VSIG4: variants seen among roughly 807,000 people sequenced by gnomAD.
The protein encoded by VSIG4 is V-set and immunoglobulin domain containing 4, also known as V-set and immunoglobulin domain-containing protein 4.
A neutral mutation model predicts 23.4 loss-of-function variants in VSIG4; 34 were observed. The ratio of observed to expected loss-of-function variants is 1.45; its 90% CI spans 1.10 to 1.93. The LOEUF is 1.93. Ranked by LOEUF, VSIG4 falls within the 30% of genes most tolerant of loss-of-function variation. VSIG4 has a pLI of 0.00. For missense variants in VSIG4, 433 were observed against 310.8 expected (o/e 1.39, Z -2.96); for synonymous variants, 169 against 120.3 (o/e 1.41, Z -2.65).
rs2085336159 is a variant in VSIG4 at position 66,021,938 on chromosome X, G to A, written c.*325C>T. On this transcript the variant is annotated 3_prime_UTR_variant, in exon 8 of 8. Transcript: ENST00000374737. The stretch of plus-strand genomic sequence containing the variant: ...CTGAGCCTCCCTCGGGTCTTCTGGT[G>A]GCAAGATGCCAAAGTTGAATAGTGT... 2.9e-6 allele frequency: 2 copies of A among 683,996 alleles called. No homozygotes were observed. Among genetic ancestry groups the A allele is most frequent in the African/African-American group, 4.4e-5 (2 of 45,487 alleles). The allele number at this position is 683,996 out of a possible 1,213,427, so 56.4% of individuals were successfully genotyped here.
intron 3 of VSIG4, among the ~76,000 whole-genome samples, chrX:66,029,094 G>T (rs1178296022): frequency 9.0e-6 from 1 of 111,403 alleles, no homozygotes; most frequent in African/African-American, 3.3e-5. Context: ...AAAACCATAA[G>T]CTTCTCCCTC....
At chrX:66,024,644 T>C in intron 6 of VSIG4, among the ~76,000 whole-genome samples, 1 of 112,208 alleles carries the variant, frequency 8.9e-6, no homozygotes, top group East Asian at 2.8e-4. Flanking sequence ...AATTGTCTTC[T>C]CTAGTTTTTG....
At chrX:66,038,480 C>G (rs894246332) in intron 1 of VSIG4, among the ~76,000 whole-genome samples, 1 of 88,192 alleles carries the variant, frequency 1.1e-5, no homozygotes, top group Non-Finnish European at 2.0e-5. Context: ...CTCTCTCTCT[C>G]TCACACACAC....
At position 66,034,526 on chromosome X, in the gene VSIG4, T is replaced by A. The variant is rs9919099; in HGVS notation, c.56-696A>T. ...ATTAGCTATTGTTAAATTCAAAACCTGCACTTTGTAAACCTGACTTTTTTT... is the reference window on the plus strand; with the variant it reads ...ATTAGCTATTGTTAAATTCAAAACCAGCACTTTGTAAACCTGACTTTTTTT... On this transcript the variant is annotated intron_variant, in intron 1 of 7. Transcript: ENST00000374737. 4.9e-3 allele frequency among the ~76,000 whole-genome samples: 549 copies of A among 112,125 alleles called. 4 individuals carry two copies. The highest frequency in any genetic ancestry group is 0.017 in the African/African-American group (525 of 30,957).
intron 1 of VSIG4, among the ~76,000 whole-genome samples, chrX:66,035,914 C>T (rs1602108906): frequency 8.9e-6 from 1 of 112,004 alleles, no homozygotes; most frequent in East Asian, 2.8e-4. Flanking sequence ...CTTAGGGGAG[C>T]TGAAAGGCCT....
At chrX:66,031,868 T>A (rs1319722548) in intron 3 of VSIG4, among the ~76,000 whole-genome samples, 1 of 111,340 alleles carries the variant, frequency 9.0e-6, no homozygotes, top group Admixed American at 9.6e-5. Context: ...TACAATGAAG[T>A]GGGGGAGGGA....
At chrX:66,022,787 T>A (rs1361166183) in intron 7 of VSIG4, 54 bp downstream of exon 7, 2 of 1,210,649 alleles carry the variant, frequency 1.7e-6, no homozygotes, top group South Asian at 1.8e-5. Context: ...CTGCCAGTAA[T>A]CAAAATTGAG....
At chrX:66,038,063 G>C (rs1305746224) in intron 1 of VSIG4, among the ~76,000 whole-genome samples, 1 of 110,822 alleles carries the variant, frequency 9.0e-6, no homozygotes, top group Non-Finnish European at 1.9e-5. Flanking sequence ...CTGGATGGAG[G>C]ATTAACTTAT....
At chrX:66,027,404 C>T (rs1225094823) in intron 5 of VSIG4, 45 bp downstream of exon 5, 3 of 1,116,518 alleles carry the variant, frequency 2.7e-6, no homozygotes, top group Non-Finnish European at 2.4e-6. Flanking sequence ...GGTCACAAAG[C>T]TTAGAGTCAA....
chrX:66,032,774 A>G, intron 2 of VSIG4, 25 bp from the exon 3 acceptor site: 2 of 1,199,359 alleles, frequency 1.7e-6, no homozygotes, highest in Non-Finnish European at 1.1e-6. Context: ...CAAGACAGGA[A>G]ACTCTGGGCA....
chrX:66,022,092 A>T lies in VSIG4; in HGVS notation c.*171T>A. ...CCAAATCCAGCAGCTGGCTTACTTG[A>T]GATGCATCTGGCAAATTCCAGGGCA... On this transcript the variant is annotated 3_prime_UTR_variant, in exon 8 of 8. Coordinates refer to ENST00000374737, the MANE Select transcript of VSIG4 (RefSeq NM_007268.3). The T allele has an allele frequency of 6.0e-6, 7 of 1,168,909 alleles. No individual in the cohort carries two copies. The highest frequency in any genetic ancestry group is 8.0e-6 in the Non-Finnish European group (7 of 873,760).
Position 66,032,509 on chromosome X carries a change from C to T in VSIG4, c.653G>A (p.Gly218Asp). The change falls in exon 3 of 8, where the codon GGC becomes GAC. Residue 218 changes from glycine to aspartate, a missense_variant. Coordinates refer to ENST00000374737, the MANE Select transcript of VSIG4 (RefSeq NM_007268.3). Reference sequence around the variant, plus strand: ...CACAATGTCGCTGTGCTGCTCAGAGCCAACCTGGCCCTTGGCAGTGCAGAA... The same window carrying T: ...CACAATGTCGCTGTGCTGCTCAGAGTCAACCTGGCCCTTGGCAGTGCAGAA... ...SYFCTAKGQVGSEQHSDIVKF... is the reference protein window; with the variant it reads ...SYFCTAKGQVDSEQHSDIVKF... 1 of 1,211,882 alleles carries T rather than the reference C, an allele frequency of 8.3e-7. No individual in the cohort carries two copies. The highest frequency in any genetic ancestry group is 3.0e-5 in the East Asian group (1 of 33,839).
At chrX:66,036,938 T>G (rs1239177858) in intron 1 of VSIG4, among the ~76,000 whole-genome samples, 1 of 29,991 alleles carries the variant, frequency 3.3e-5, no homozygotes, top group Non-Finnish European at 5.0e-5. Context: ...ATATGATATA[T>G]TATATGATAT....
chrX:66,035,608 AGATAGTTCACACCTCCAT>A (rs1344431910), intron 1 of VSIG4, among the ~76,000 whole-genome samples: 1 of 111,976 alleles, frequency 8.9e-6, no homozygotes, highest in Admixed American at 9.5e-5. Flanking sequence ...ACTGTGCCAT[AGATAGTTCACACCTCCAT>A]GTGATTGCAG....
At position 66,038,202 on chromosome X, in the gene VSIG4, T is replaced by G. The variant is rs529281835; in HGVS notation, c.55+1742A>C. ...CCACAGGAAGAGGCTAGCAGCTTAC[T>G]CTGGCCGCTACAGGGTTTTTAGCAG... On this transcript the variant is annotated intron_variant, in intron 1 of 7. Coordinates refer to ENST00000374737, the MANE Select transcript of VSIG4 (RefSeq NM_007268.3). 4.5e-4 allele frequency among the ~76,000 whole-genome samples: 50 copies of G among 111,957 alleles called. No individual in the cohort carries two copies. The South Asian group carries it at 0.018, about 41-fold the overall frequency.
At position 66,021,764 on chromosome X, in the gene VSIG4, A is replaced by C; in HGVS notation, c.*499T>G. On this transcript the variant is annotated 3_prime_UTR_variant, in exon 8 of 8. Coordinates refer to ENST00000374737, the MANE Select transcript of VSIG4 (RefSeq NM_007268.3). ...TGCTGTTATGATTAGATATTTATTG[A>C]GCACCAGGAGAGAGTCAGAACATTA... 1 of 218,306 alleles carries C rather than the reference A, an allele frequency of 4.6e-6. No homozygotes were observed. The highest frequency in any genetic ancestry group is 8.7e-6 in the Non-Finnish European group (1 of 115,457). 18.0% of individuals were successfully genotyped at this position (218,306 alleles called of 1,213,427 possible).
At chrX:66,031,441 T>C (rs900308735) in intron 3 of VSIG4, among the ~76,000 whole-genome samples, 1 of 109,438 alleles carries the variant, frequency 9.1e-6, no homozygotes, top group Non-Finnish European at 1.9e-5. Context: ...CAGCTTAACT[T>C]TGGGAAACAA....
intron 1 of VSIG4, among the ~76,000 whole-genome samples, chrX:66,037,846 C>A (rs1322114248): frequency 1.1e-5 from 1 of 88,570 alleles, no homozygotes; most frequent in Non-Finnish European, 2.1e-5. Context: ...TGAGACCCAG[C>A]CTTATAAAAG....
intron 6 of VSIG4, among the ~76,000 whole-genome samples, chrX:66,024,527 T>C (rs1363353120): frequency 8.9e-6 from 1 of 111,974 alleles, no homozygotes; most frequent in Non-Finnish European, 1.9e-5. Context: ...CCTTACAACT[T>C]GTTTTCATCC....
Sources: allele counts gnomAD v4.1 joint callset (sites outside exome capture counted in the v4.1 genomes callset), GRCh38; gene constraint gnomAD v4.1.1; transcripts MANE v1.5; gene names NCBI Gene and HGNC (gene_info 2026-07-23, HGNC 2026-07-21).